The following GRIK2 variants were observed in gnomAD, a reference collection of about 807,000 sequenced individuals.
GRIK2 encodes glutamate receptor ionotropic, kainate 2.
In GRIK2, 32 loss-of-function variants were observed where a neutral mutation model predicts 100.3. The observed-to-expected ratio is 0.32, with a 90% CI of 0.24 to 0.43. The LOEUF (loss-of-function observed/expected upper bound fraction) is 0.43. GRIK2 is among the 20% of genes least tolerant of loss of function. The probability of loss-of-function intolerance (pLI) is 1.00; values close to 1 mark genes in which losing one functional copy is unlikely to be tolerated. For missense variants in GRIK2, 843 were observed against 1,114.9 expected (o/e 0.76, Z 3.47); for synonymous variants, 417 against 389.4 (o/e 1.07, Z -0.83).
intron 7 of GRIK2, among the ~76,000 whole-genome samples, chr6:101,796,432 G>C (rs960907973): frequency 2.6e-5 from 4 of 152,082 alleles, no homozygotes; most frequent in African/African-American, 7.2e-5. Context: ...ATTTTCACAC[G>C]GTTTTTCAAA....
chr6:101,629,840 A>G (rs561097102), intron 4 of GRIK2, among the ~76,000 whole-genome samples: 19 of 152,152 alleles, frequency 1.2e-4, no homozygotes, highest in African/African-American at 4.3e-4. Context: ...TCCAATAGAT[A>G]GTTTTTCAAC....
At chr6:101,539,338 G>C (rs1013599488) in intron 2 of GRIK2, among the ~76,000 whole-genome samples, 2 of 151,686 alleles carry the variant, frequency 1.3e-5, no homozygotes, top group Non-Finnish European at 1.5e-5. Context: ...CAAATATAAA[G>C]TACTGTAATC....
In GRIK2 at chr6:101,991,009, A is replaced by G. The variant is rs1292179067; in HGVS notation, c.2086-44332A>G. Among the ~76,000 whole-genome samples the G allele has an allele frequency of 2.0e-5, 3 of 152,044 alleles. No individual in the cohort carries two copies. In the East Asian group the frequency reaches 5.8e-4, roughly 29 times the overall value. On this transcript the variant is annotated intron_variant, in intron 14 of 16. Coordinates refer to ENST00000369134, the MANE Select transcript of GRIK2 (RefSeq NM_021956.5). ...AAAAGATATCATGGAAAGATTCTAT[A>G]GATGTAAGATGCACATGCTAAAGCA...
intron 7 of GRIK2, among the ~76,000 whole-genome samples, chr6:101,741,921 C>T (rs1185362592): frequency 6.6e-6 from 1 of 152,106 alleles, no homozygotes; most frequent in African/African-American, 2.4e-5. Context: ...TTTACCAGGG[C>T]CAAGTAATGT....
In GRIK2 at chr6:101,909,380, T is replaced by TTTTG. The variant is rs1337762923; in HGVS notation, c.1749-15220_1749-15219insTTGT. On this transcript the variant is annotated intron_variant, in intron 12 of 16. Coordinates refer to ENST00000369134, the MANE Select transcript of GRIK2 (RefSeq NM_021956.5). ...GCTGAAGGAAGATAGGGTTTTCTTT[T>TTTTG]TCTTTTTTTTTTTTTTAAAGATCAT... Among the ~76,000 whole-genome samples the TTTTG allele has an allele frequency of 2.3e-5, 3 of 132,532 alleles. 1 individual carries two copies. Among genetic ancestry groups the TTTTG allele is most frequent in the Admixed American group, 1.5e-4 (2 of 13,436 alleles). 86.9% of individuals were successfully genotyped at this position (132,532 alleles called of 152,430 possible). A position where few individuals can be genotyped will look rare whatever the true frequency, so the allele number is the denominator to read the frequency against.
At chr6:101,535,430 T>C (rs565624769) in intron 2 of GRIK2, among the ~76,000 whole-genome samples, 4 of 151,938 alleles carry the variant, frequency 2.6e-5, no homozygotes, top group South Asian at 2.1e-4. Flanking sequence ...CCATGTTAGA[T>C]AACTTTTTGT....
At chr6:101,533,413 G>GA (rs11428364) in intron 2 of GRIK2, among the ~76,000 whole-genome samples, 110,586 of 151,466 alleles carry the variant, frequency 0.73, 40,531 homozygotes, top group Non-Finnish European at 0.76. Flanking sequence ...GTATATCAGA[G>GA]AAAAAAATAG....
intron 14 of GRIK2, among the ~76,000 whole-genome samples, chr6:102,031,185 A>T (rs141641359): frequency 1.5e-4 from 23 of 149,398 alleles, no homozygotes; most frequent in East Asian, 6.0e-4. Context: ...GAGTCCAAGT[A>T]CTGTTTCCTT....
At chr6:101,591,850 T>C (rs67779222) in intron 2 of GRIK2, among the ~76,000 whole-genome samples, 42,166 of 151,864 alleles carry the variant, frequency 0.28, 6,267 homozygotes, top group African/African-American at 0.37. Flanking sequence ...AGAGATTATA[T>C]TCATTGGTGA....
rs866717825 is a variant in GRIK2 at position 101,915,369 on chromosome 6, A to C, written c.1749-9232A>C. Among the ~76,000 whole-genome samples the C allele has an allele frequency of 2.0e-5, 3 of 151,466 alleles. 1 individual carries two copies. In the Admixed American group the frequency reaches 2.0e-4, roughly 10 times the overall value. On this transcript the variant is annotated intron_variant, in intron 12 of 16. Transcript: ENST00000369134. ...TTTCAGGCTAAGAAGATTGTTTATT[A>C]TTCATTAAGAAAGTAAAAAATTAAA...
intron 2 of GRIK2, among the ~76,000 whole-genome samples, chr6:101,607,836 A>G (rs963059331): frequency 1.3e-5 from 2 of 151,716 alleles, no homozygotes; most frequent in Admixed American, 6.6e-5. Flanking sequence ...TTCTTTTCCC[A>G]AAATGAATGA....
intron 14 of GRIK2, among the ~76,000 whole-genome samples, chr6:102,008,193 G>C (rs1385317185): frequency 6.6e-6 from 1 of 151,930 alleles, no homozygotes; most frequent in East Asian, 1.9e-4. Context: ...TAAAGCTTCA[G>C]TGTACAAATA....
intron 8 of GRIK2, among the ~76,000 whole-genome samples, chr6:101,800,533 A>G (rs906112772): frequency 6.6e-6 from 1 of 152,098 alleles, no homozygotes; most frequent in East Asian, 1.9e-4. Flanking sequence ...TTATTACCAT[A>G]TGAAATTTTT....
At chr6:101,791,536 C>G (rs945917616) in intron 7 of GRIK2, among the ~76,000 whole-genome samples, 1 of 152,126 alleles carries the variant, frequency 6.6e-6, no homozygotes, top group Non-Finnish European at 1.5e-5. Flanking sequence ...GTTTCTTAAT[C>G]CTGAGTTCTA....
chr6:101,970,690 A>ATTTAGT (rs1792990869), intron 14 of GRIK2, among the ~76,000 whole-genome samples: 1 of 144,212 alleles, frequency 6.9e-6, no homozygotes, highest in African/African-American at 2.9e-5. Context: ...CCATCCCAAT[A>ATTTAGT]TTTACAGATG....
chr6:102,042,796 A>AATT (rs1770662217), intron 15 of GRIK2, among the ~76,000 whole-genome samples: 1 of 151,662 alleles, frequency 6.6e-6, no homozygotes, highest in Admixed American at 6.6e-5. Context: ...TATAGGATAA[A>AATT]ATTATTTCTA....
At position 101,864,352 on chromosome 6, in the gene GRIK2, A is replaced by T. The variant is rs1174174331; in HGVS notation, c.1524+4859A>T. Among the ~76,000 whole-genome samples, 4 of 152,300 alleles carry T rather than the reference A, an allele frequency of 2.6e-5. No homozygotes were observed. The East Asian group carries it at 7.7e-4, about 29-fold the overall frequency. On this transcript the variant is annotated intron_variant, in intron 11 of 16. Transcript: ENST00000369134. ...GACAGTGATGCAGATCCCTCTGTAG[A>T]TATTAGGCCCCTCATGCTTCAGTGT...
At chr6:101,861,069 A>G (rs1310001269) in intron 11 of GRIK2, among the ~76,000 whole-genome samples, 1 of 152,190 alleles carries the variant, frequency 6.6e-6, no homozygotes, top group Non-Finnish European at 1.5e-5. Context: ...TTCTTCAACT[A>G]TGCAGTTGCA....
chr6:101,974,002 A>G (rs145003539), intron 14 of GRIK2, among the ~76,000 whole-genome samples: 1 of 152,060 alleles, frequency 6.6e-6, no homozygotes, highest in East Asian at 1.9e-4. Flanking sequence ...TATGACTCGT[A>G]CAATTGGTCC....
Sources: gnomAD v4.1 joint callset for allele counts (sites outside exome capture counted in the v4.1 genomes callset) on GRCh38, gnomAD v4.1.1 for gene constraint, MANE v1.5 for transcripts, NCBI Gene and HGNC (gene_info 2026-07-23, HGNC 2026-07-21) for gene names.